The following ZNF33A variants were observed in gnomAD, a reference collection of about 807,000 sequenced individuals.
The protein encoded by ZNF33A is zinc finger protein 33A.
A neutral mutation model predicts 15.9 loss-of-function variants in ZNF33A; 9 were observed. That is an observed-to-expected ratio of 0.57 (90% CI 0.34 to 0.99). ZNF33A has a LOEUF of 0.99. Ranked by LOEUF, ZNF33A falls within the 50% of genes least tolerant of loss-of-function variation. ZNF33A has a pLI of 0.02. For synonymous variants in ZNF33A, 294 were observed against 324.2 expected, an observed-to-expected ratio of 0.91 and a Z score of 1.00; for missense variants, 843 against 941.6, an observed-to-expected ratio of 0.90 and a Z score of 1.37.
rs1384496467 is a variant in ZNF33A, at chr10:38,056,355, C to G, written c.2231C>G (p.Thr744Arg). 1 of 1,614,122 alleles carries G rather than the reference C, an allele frequency of 6.2e-7. No homozygotes were observed. The highest frequency in any genetic ancestry group is 1.7e-5 in the Admixed American group (1 of 60,032). The change falls in exon 5 of 5, where the codon ACA becomes AGA. Residue 744 changes from threonine (T) to arginine (R), a missense_variant. By Grantham distance (71) the Thr-to-Arg change is moderately conservative. Coordinates refer to ENST00000432900, the MANE Select transcript of ZNF33A (RefSeq NM_006954.2). ...CTTGCTCAACATCAGAGATCACATA[C>G]AGGGGAAAAGCCCTATGAATGTAAC... is the stretch of plus-strand genomic sequence containing the variant. ...SELAQHQRSH[T>R]GEKPYECNTC...
chr10:38,012,927 G>A (rs1265750167), intron 2 of ZNF33A, among the ~76,000 whole-genome samples: 1 of 152,096 alleles, frequency 6.6e-6, no homozygotes, highest in Non-Finnish European at 1.5e-5. Context: ...AAGGCACAAA[G>A]ACTTCCTGGC....
intron 4 of ZNF33A, among the ~76,000 whole-genome samples, chr10:38,051,212 T>C (rs1314683033): frequency 6.6e-6 from 1 of 152,182 alleles, no homozygotes; most frequent in African/African-American, 2.4e-5. Context: ...ATTGTATAAA[T>C]TTACATGTAA....
intron 4 of ZNF33A, among the ~76,000 whole-genome samples, chr10:38,049,304 A>G (rs1295117341): frequency 6.6e-6 from 1 of 152,116 alleles, no homozygotes; most frequent in Non-Finnish European, 1.5e-5. Context: ...TACCTATAAT[A>G]CTCATTGATT....
chr10:38,010,670 T>A (rs1320146357), upstream of ZNF33A: 1 of 1,583,446 alleles, frequency 6.3e-7, no homozygotes. Flanking sequence ...GCCGGCTACG[T>A]CTGCGTTTCC....
rs77604999 is a variant in ZNF33A at position 38,056,457 on chromosome 10, A to C, written c.2333A>C (p.Asn778Thr). 2 of 1,613,926 alleles carry C rather than the reference A, an allele frequency of 1.2e-6. No individual in the cohort carries two copies. The highest frequency in any genetic ancestry group is 1.7e-6 in the Non-Finnish European group (2 of 1,179,874). The change falls in exon 5 of 5, where the codon AAT becomes ACT. Residue 778 changes from asparagine to threonine, a missense_variant. Asn to Thr is a moderately conservative substitution (Grantham distance 65). Transcript: ENST00000432900. ...AGACATATAGGAGAAAACCTTATGA[A>C]TGAAATGGATATTAGAAATTTCCAG... ...QRRHIGENLM[N>T]EMDIRNFQPQ...
In ZNF33A at chr10:38,054,869, T is replaced by G; in HGVS notation, c.745T>G (p.Tyr249Asp). Reference sequence around the variant, plus strand: ...GAACGCAGAAGAGAATAACTGTGATTATAATGAATTTGGGAGAACTTTGTG... The same window carrying G: ...GAACGCAGAAGAGAATAACTGTGATGATAATGAATTTGGGAGAACTTTGTG... Reference protein sequence around the residue: ...RENAEENNCDYNEFGRTLCDS... With the variant: ...RENAEENNCDDNEFGRTLCDS... The change falls in exon 5 of 5, where the codon TAT becomes GAT. Residue 249 changes from tyrosine (Y) to aspartate (D), a missense_variant. Coordinates refer to ENST00000432900, the MANE Select transcript of ZNF33A (RefSeq NM_006954.2). The G allele has an allele frequency of 6.2e-7, 1 of 1,613,630 alleles. No homozygotes were observed. The highest frequency in any genetic ancestry group is 8.5e-7 in the Non-Finnish European group (1 of 1,179,978).
intron 2 of ZNF33A, among the ~76,000 whole-genome samples, chr10:38,014,291 C>T (rs1226691191): frequency 6.6e-6 from 1 of 152,118 alleles, no homozygotes; most frequent in Non-Finnish European, 1.5e-5. Flanking sequence ...CTGCCTTGGC[C>T]TCCCAAAGCA....
intron 4 of ZNF33A, among the ~76,000 whole-genome samples, chr10:38,037,370 C>G (rs1431265139): frequency 6.6e-6 from 1 of 151,878 alleles, no homozygotes; most frequent in African/African-American, 2.4e-5. Context: ...GACGCCCAGC[C>G]TGGTGGGCAG....
rs776091998 is a variant in ZNF33A at position 38,055,790 on chromosome 10, C to T, written c.1666C>T (p.Pro556Ser). 2 of 1,584,628 alleles carry T rather than the reference C, an allele frequency of 1.3e-6. No individual in the cohort carries two copies. Among genetic ancestry groups the T allele is most frequent in the Admixed American group, 1.7e-5 (1 of 57,602 alleles). Residue 556 changes from proline (P) to serine (S), a missense_variant, in exon 5 of 5, where the codon CCC (proline) becomes TCC (serine). By Grantham distance (74) the Pro-to-Ser change is moderately conservative. Transcript: ENST00000432900. ...THTGQKPFAC[P>S]ECGKFFSHKS... is the part of the protein sequence containing the mutation. ...CACAGGGCAGAAACCCTTTGCATGTCCCGAATGTGGGAAATTCTTTAGCCA... is the reference window on the plus strand; with the variant it reads ...CACAGGGCAGAAACCCTTTGCATGTTCCGAATGTGGGAAATTCTTTAGCCA...
In ZNF33A at chr10:38,054,737, G is replaced by C; in HGVS notation, c.613G>C (p.Glu205Gln). Reference sequence around the variant, plus strand: ...TAGGAACACACTGAGTCATCATGAGGAGACTTTGCAGCATGAGAAGATTCA... The same window carrying C: ...TAGGAACACACTGAGTCATCATGAGCAGACTTTGCAGCATGAGAAGATTCA... ...KNRNTLSHHE[E>Q]TLQHEKIQTL... is the part of the protein sequence containing the mutation. The change falls in exon 5 of 5, where the codon GAG becomes CAG. Residue 205 changes from glutamate to glutamine, a missense_variant. Glu to Gln is a conservative substitution (Grantham distance 29). Transcript: ENST00000432900. 1 of 1,613,640 alleles carries C rather than the reference G, an allele frequency of 6.2e-7. No individual in the cohort carries two copies. The highest frequency in any genetic ancestry group is 8.5e-7 in the Non-Finnish European group (1 of 1,179,922).
At position 38,038,096 on chromosome 10, in the gene ZNF33A, T is replaced by G. The variant is rs555459698; in HGVS notation, c.251-16279T>G. ...TTCCTTGATTAAAGTTATAAGTATT[T>G]TATTCTTTTTGATGCTATTGTATAT... On this transcript the variant is annotated intron_variant, in intron 4 of 4. Transcript: ENST00000432900. Among the ~76,000 whole-genome samples the G allele has an allele frequency of 3.3e-5, 5 of 152,324 alleles. No individual in the cohort carries two copies. In the South Asian group the frequency reaches 8.3e-4, roughly 25 times the overall value.
rs1425814482 is a variant in ZNF33A, at chr10:38,057,492, A to AT, written c.*933dup. On this transcript the variant is annotated 3_prime_UTR_variant, in exon 5 of 5. Transcript: ENST00000432900. ...ATAATGGAATTTAACGTAATTGTGA[A>AT]TAGGAAGTAGGTATCCTAGTTTAGT... The AT allele has an allele frequency of 1.0e-6, 1 of 985,342 alleles. No individual in the cohort carries two copies. Among genetic ancestry groups the AT allele is most frequent in the African/African-American group, 1.7e-5 (1 of 57,250 alleles). 61.0% of individuals were successfully genotyped at this position (985,342 alleles called of 1,614,324 possible).
At chr10:38,065,734 G>A (rs902811637), downstream of ZNF33A, among the ~76,000 whole-genome samples, 26 of 147,962 alleles carry the variant, frequency 1.8e-4, no homozygotes, top group Admixed American at 1.3e-3. Context: ...TTTTTGAGAC[G>A]GATTTTTGCT....
intron 1 of ZNF33A, among the ~76,000 whole-genome samples, chr10:38,011,081 C>G (rs1386700659): frequency 6.6e-6 from 1 of 151,726 alleles, no homozygotes; most frequent in Non-Finnish European, 1.5e-5. Flanking sequence ...GTTCTCTTGT[C>G]TAGCCTGTGC....
At chr10:38,044,390 A>G (rs1224102189) in intron 4 of ZNF33A, among the ~76,000 whole-genome samples, 1 of 145,576 alleles carries the variant, frequency 6.9e-6, no homozygotes, top group Non-Finnish European at 1.5e-5. Context: ...TTCTGTTTTT[A>G]GTAGAGACGG....
chr10:38,047,250 A>T (rs2065987627), intron 4 of ZNF33A, among the ~76,000 whole-genome samples: 1 of 151,788 alleles, frequency 6.6e-6, no homozygotes, highest in Non-Finnish European at 1.5e-5. Context: ...GGCAGTTTAA[A>T]CATTGCAGAA....
chr10:38,047,190 CAAAAAAA>C (rs61278605), intron 4 of ZNF33A, among the ~76,000 whole-genome samples: 19 of 64,050 alleles, frequency 3.0e-4, no homozygotes, highest in East Asian at 2.5e-3. Context: ...CCACCCCTGC[CAAAAAAA>C]AAAAAAAAAA....
At chr10:38,030,306 GTTT>G (rs1179541812) in intron 4 of ZNF33A, among the ~76,000 whole-genome samples, 7 of 152,292 alleles carry the variant, frequency 4.6e-5, no homozygotes, top group Admixed American at 3.9e-4. Context: ...TTTCATAGCA[GTTT>G]TATGGGTAAT....
chr10:38,025,240 G>T (rs1039663170), intron 4 of ZNF33A, among the ~76,000 whole-genome samples: 6 of 152,218 alleles, frequency 3.9e-5, no homozygotes, highest in African/African-American at 1.4e-4. Context: ...ACAGGATGTT[G>T]GTAGAATATA....
Sources: allele counts gnomAD v4.1 joint callset (sites outside exome capture counted in the v4.1 genomes callset), GRCh38; gene constraint gnomAD v4.1.1; transcripts MANE v1.5; gene names NCBI Gene and HGNC (gene_info 2026-07-23, HGNC 2026-07-21).